Variants in PRKCZ observed in about 807,000 individuals in gnomAD.
PRKCZ encodes protein kinase C zeta type.
Under a neutral mutation model 79.5 loss-of-function variants are expected in PRKCZ, and 33 were observed. The observed-to-expected ratio is 0.41, with a 90% confidence interval of 0.31 to 0.55. PRKCZ has a LOEUF of 0.55. PRKCZ is among the 20% of genes least tolerant of loss of function. The pLI is 0.19. For missense variants in PRKCZ, 578 were observed against 813.5 expected (o/e 0.71, Z 3.52); for synonymous variants, 342 against 320.9 (o/e 1.07, Z -0.70).
chr1:2,062,615 G>A (rs578112697), intron 4 of PRKCZ, among the ~76,000 whole-genome samples: 37 of 150,990 alleles, frequency 2.5e-4, no homozygotes, highest in African/African-American at 8.8e-4. Flanking sequence ...TCAGCCTCCC[G>A]AGTAGCTGGG....
chr1:2,120,112 C>A (rs1041668060), intron 4 of PRKCZ, among the ~76,000 whole-genome samples: 2 of 151,964 alleles, frequency 1.3e-5, no homozygotes, highest in Non-Finnish European at 2.9e-5. Flanking sequence ...AGCCTCACTG[C>A]CACCCCTGGA....
chr1:2,138,909 G>A (rs1397991315), intron 5 of PRKCZ, among the ~76,000 whole-genome samples: 1 of 152,204 alleles, frequency 6.6e-6, no homozygotes, highest in Non-Finnish European at 1.5e-5. Flanking sequence ...GCGACAGAGT[G>A]AGACTCCGTC....
Position 2,094,491 on chromosome 1 carries a change from C to A in PRKCZ, c.334+34900C>A, listed in dbSNP as rs1364925268. ...ACCTTGGGCGCTGCCCGTTCTGAGG[C>A]GCCCTCTGTGCCCGGCTCGTTGAAC... On this transcript the variant is annotated intron_variant, in intron 4 of 17. Coordinates refer to ENST00000378567, the MANE Select transcript of PRKCZ (RefSeq NM_002744.6). The surrounding 1 kb of genome is among the most constrained non-coding windows in gnomAD (Gnocchi z 7.3). Among the ~76,000 whole-genome samples, 1 of 143,390 alleles carries A rather than the reference C, an allele frequency of 7.0e-6. No homozygotes were observed. Among genetic ancestry groups the A allele is most frequent in the African/African-American group, 2.7e-5 (1 of 37,408 alleles). The allele number at this position is 143,390 out of a possible 152,430, so 94.1% of individuals were successfully genotyped here.
chr1:2,172,237 C>T lies in PRKCZ; in HGVS notation c.1197+47C>T, dbSNP rs201651014. ...CCCTGACCATCCCGCATGTGCGTCT[C>T]GGGGCGCCTGTCCCGCGGGGTAGTG... is the stretch of plus-strand genomic sequence containing the variant. On this transcript the variant is annotated intron_variant, in intron 12 of 17. Coordinates refer to ENST00000378567, the MANE Select transcript of PRKCZ (RefSeq NM_002744.6). This position sits in a 1 kb window ranked among gnomAD's most constrained non-coding sequence, Gnocchi z 7.8. 30 of 1,613,430 alleles carry T rather than the reference C, an allele frequency of 1.9e-5. No homozygotes were observed. The highest frequency in any genetic ancestry group is 1.6e-4 in the East Asian group (7 of 44,874).
At chr1:2,157,465 T>C (rs1002065374) in intron 10 of PRKCZ, among the ~76,000 whole-genome samples, 2 of 152,132 alleles carry the variant, frequency 1.3e-5, no homozygotes, top group Non-Finnish European at 2.9e-5. Context: ...TCACCCAGGC[T>C]GGAGTGCAGT....
In PRKCZ at chr1:2,075,608, G is replaced by A. The variant is rs1198384545; in HGVS notation, c.334+16017G>A. On this transcript the variant is annotated intron_variant, in intron 4 of 17. Transcript: ENST00000378567. This position sits in a 1 kb window ranked among gnomAD's most constrained non-coding sequence, Gnocchi z 4.8. The stretch of plus-strand genomic sequence containing the variant: ...CACTGGTGGTTATGTAAGGAGTTGT[G>A]TGTTCCTCTGCCCAACTCCGAGCTT... 2.6e-5 allele frequency among the ~76,000 whole-genome samples: 4 copies of A among 152,296 alleles called. No individual in the cohort carries two copies. The highest frequency in any genetic ancestry group is 5.9e-5 in the Non-Finnish European group (4 of 68,014).
In PRKCZ at chr1:2,165,257, G is replaced by A. The variant is rs1014772451; in HGVS notation, c.975-4261G>A. On this transcript the variant is annotated intron_variant, in intron 10 of 17. Transcript: ENST00000378567. This position sits in a 1 kb window ranked among gnomAD's most constrained non-coding sequence, Gnocchi z 4.1. ...CGAGTCAGGAATCTGATTTTCCAGC[G>A]TGCCCTGTAATGACGGTGCTGTCAC... Among the ~76,000 whole-genome samples the A allele has an allele frequency of 1.3e-5, 2 of 152,144 alleles. No homozygotes were observed. The highest frequency in any genetic ancestry group is 2.4e-5 in the African/African-American group (1 of 41,416).
At chr1:2,079,235 C>T (rs775775037) in intron 4 of PRKCZ, among the ~76,000 whole-genome samples, 4 of 152,228 alleles carry the variant, frequency 2.6e-5, no homozygotes, top group African/African-American at 9.7e-5. Context: ...TGAGAAGCAC[C>T]GCGGTATCAT....
In PRKCZ at chr1:2,082,310, G is replaced by A. The variant is rs1557516616; in HGVS notation, c.334+22719G>A. 2.2e-6 allele frequency: 1 copy of A among 449,234 alleles called. No homozygotes were observed. Among genetic ancestry groups the A allele is most frequent in the Non-Finnish European group, 4.5e-6 (1 of 223,486 alleles). 27.8% of individuals were successfully genotyped at this position (449,234 alleles called of 1,614,324 possible). ...TGCAGGAGCTGGGGGCTGCCAGAGC[G>A]GCTGTTCAAGATGGACTTGGCAAAT... On this transcript the variant is annotated intron_variant, in intron 4 of 17. Transcript: ENST00000378567. The surrounding 1 kb of genome is among the most constrained non-coding windows in gnomAD (Gnocchi z 4.4).
chr1:2,060,734 C>T (rs956468981), intron 4 of PRKCZ, among the ~76,000 whole-genome samples: 6 of 152,086 alleles, frequency 3.9e-5, no homozygotes, highest in African/African-American at 7.2e-5. Flanking sequence ...CTGGACCTGC[C>T]GGCAGGAGGA....
At chr1:2,132,040 T>C (rs1173840799) in intron 4 of PRKCZ, among the ~76,000 whole-genome samples, 1 of 152,234 alleles carries the variant, frequency 6.6e-6, no homozygotes, top group African/African-American at 2.4e-5. Flanking sequence ...CTCGATCTCC[T>C]GACCTTGTGA....
At chr1:2,058,820 C>T (rs965270644) in intron 3 of PRKCZ, among the ~76,000 whole-genome samples, 2 of 152,058 alleles carry the variant, frequency 1.3e-5, no homozygotes, top group African/African-American at 2.4e-5. Flanking sequence ...TGCTGGAACC[C>T]GAGAGGTGGA....
At chr1:2,053,384 T>C (rs769673329) in intron 1 of PRKCZ, among the ~76,000 whole-genome samples, 4 of 152,212 alleles carry the variant, frequency 2.6e-5, no homozygotes, top group East Asian at 3.9e-4. Flanking sequence ...AAGGCGTGAG[T>C]CACCGCGCCT....
chr1:2,143,601 C>G (rs1677857058), intron 5 of PRKCZ: 1 of 152,246 alleles, frequency 6.6e-6, no homozygotes, highest in African/African-American at 2.4e-5. Flanking sequence ...AAAACATCGC[C>G]AAACAAGCTG....
At chr1:2,058,992 G>A (rs1036588294) in intron 3 of PRKCZ, among the ~76,000 whole-genome samples, 2 of 152,010 alleles carry the variant, frequency 1.3e-5, no homozygotes, top group East Asian at 3.9e-4. Flanking sequence ...ATGGGGTTTC[G>A]TCATGTTGGC....
In PRKCZ at chr1:2,050,659, A is replaced by G. The variant is rs1659553572; in HGVS notation, c.29A>G (p.Glu10Gly). 1.2e-5 allele frequency: 15 copies of G among 1,226,340 alleles called. No individual in the cohort carries two copies. Among genetic ancestry groups the G allele is most frequent in the Admixed American group, 8.5e-5 (2 of 23,490 alleles). The allele number at this position is 1,226,340 out of a possible 1,614,324, so 76.0% of individuals were successfully genotyped here. Residue 10 changes from glutamate to glycine, a missense_variant, in exon 1 of 18, where the codon GAA becomes GGA. This residue lies in a region of PRKCZ where 228 missense variants were observed against 211.6 expected (regional missense o/e 1.08). Coordinates refer to ENST00000378567, the MANE Select transcript of PRKCZ (RefSeq NM_002744.6). ...CCCAGCAGGACCGGCCCCAAGATGGAAGGGAGCGGCGGCCGCGTCCGCCTC... is the reference window on the plus strand; with the variant it reads ...CCCAGCAGGACCGGCCCCAAGATGGGAGGGAGCGGCGGCCGCGTCCGCCTC... MPSRTGPKM[E>G]GSGGRVRLKA...
Position 2,094,565 on chromosome 1 carries a change from C to A in PRKCZ, c.334+34974C>A, listed in dbSNP as rs532882773. 1.8e-5 allele frequency among the ~76,000 whole-genome samples: 2 copies of A among 111,764 alleles called. No individual in the cohort carries two copies. Among genetic ancestry groups the A allele is most frequent in the South Asian group, 3.3e-4 (1 of 3,034 alleles). 73.3% of individuals were successfully genotyped at this position (111,764 alleles called of 152,430 possible). A position where few individuals can be genotyped will look rare whatever the true frequency, so the allele number is the denominator to read the frequency against. ...CGCCCTCTGTGCCCGGCTCGATGAACCTTGGGCGCTGCCCGTTCTGAGGCG... is the reference window on the plus strand; with the variant it reads ...CGCCCTCTGTGCCCGGCTCGATGAAACTTGGGCGCTGCCCGTTCTGAGGCG... On this transcript the variant is annotated intron_variant, in intron 4 of 17. Coordinates refer to ENST00000378567, the MANE Select transcript of PRKCZ (RefSeq NM_002744.6). The surrounding 1 kb of genome is among the most constrained non-coding windows in gnomAD (Gnocchi z 7.3).
rs192915352 is a variant in PRKCZ at position 2,184,566 on chromosome 1, C to T, written c.1576-17C>T. 32 of 1,608,350 alleles carry T rather than the reference C, an allele frequency of 2.0e-5. No homozygotes were observed. In the Admixed American group the frequency reaches 2.8e-4, roughly 14 times the overall value. ...ATGCCCGCGCGGAGCTGACCCTTCT[C>T]CTATTGTTTTTCCAAGCTGGAGAAG... On this transcript the variant is annotated splice_polypyrimidine_tract_variant and intron_variant, in intron 16 of 17. Coordinates refer to ENST00000378567, the MANE Select transcript of PRKCZ (RefSeq NM_002744.6).
chr1:2,095,600 G>C (rs1436168754), intron 4 of PRKCZ, among the ~76,000 whole-genome samples: 1 of 152,028 alleles, frequency 6.6e-6, no homozygotes, highest in East Asian at 1.9e-4. Context: ...CTGCATGGGT[G>C]GTGCCGGCCG....
Sources: allele counts gnomAD v4.1 joint callset (sites outside exome capture counted in the v4.1 genomes callset), GRCh38; gene constraint gnomAD v4.1.1; regional missense constraint gnomAD v4.1.1; non-coding constraint Gnocchi (gnomAD v3.1); transcripts MANE v1.5; gene names NCBI Gene and HGNC (gene_info 2026-07-23, HGNC 2026-07-21).